FAM83G: variants seen among roughly 807,000 people sequenced by gnomAD.
FAM83G encodes the protein scaffolding CK1 anchoring protein G, also known as protein FAM83G.
Under a neutral mutation model 61.5 loss-of-function variants are expected in FAM83G, and 38 were observed. The ratio of observed to expected loss-of-function variants is 0.62; its 90% CI spans 0.48 to 0.81. The LOEUF (loss-of-function observed/expected upper bound fraction) is 0.81, where lower values mean the gene tolerates loss of function less well. FAM83G is among the 30% of genes least tolerant of loss of function. The pLI, the probability that FAM83G is intolerant of heterozygous loss-of-function variation, is 0.00. For missense variants in FAM83G, 989 were observed against 1,133.6 expected, an observed-to-expected ratio of 0.87 and a Z score of 1.83; for synonymous variants, 470 against 476.1, an observed-to-expected ratio of 0.99 and a Z score of 0.17.
At chr17:18,977,347 T>G in intron 5 of FAM83G, 1 of 588,632 alleles carries the variant, frequency 1.7e-6, no homozygotes, top group African/African-American at 1.9e-5. Flanking sequence ...AACGTGCATT[T>G]TCTTAGGTTG....
At chr17:18,998,719 A>C (rs1446555025) in intron 2 of FAM83G, among the ~76,000 whole-genome samples, 1 of 152,152 alleles carries the variant, frequency 6.6e-6, no homozygotes, top group Non-Finnish European at 1.5e-5. Context: ...AGGAGTTAAC[A>C]CCTGGGATTA....
At chr17:18,999,424 G>A (rs1485589601) in intron 2 of FAM83G, among the ~76,000 whole-genome samples, 1 of 152,222 alleles carries the variant, frequency 6.6e-6, no homozygotes, top group Admixed American at 6.5e-5. Flanking sequence ...CTCAGGGCCT[G>A]CAGACTGGGG....
In FAM83G at chr17:18,968,994, A is replaced by G. The variant is rs2042769264; in HGVS notation, c.*2365T>C. On this transcript the variant is annotated 3_prime_UTR_variant, in exon 6 of 6. Transcript: ENST00000388995. The surrounding 1 kb of genome is among the most constrained non-coding windows in gnomAD (Gnocchi z 4.1). ...GGGCCTTGCCCGAGGTCACCCAGGG[A>G]GTGGCTTGCTGGAGCCCTGGGAATA... 6.5e-7 allele frequency: 1 copy of G among 1,534,958 alleles called. No homozygotes were observed. Among genetic ancestry groups the G allele is most frequent in the East Asian group, 2.3e-5 (1 of 43,410 alleles).
chr17:19,004,220 G>C lies in FAM83G; in HGVS notation c.-128-51C>G, dbSNP rs2043816873. ...GCTCGGCGGGGAGGGCGGGCCGCGC[G>C]GGGAGGGGCGGCGGGGGCGGGGCCG... On this transcript the variant is annotated intron_variant, in intron 1 of 5. Coordinates refer to ENST00000388995, the MANE Select transcript of FAM83G (RefSeq NM_001039999.3). The surrounding 1 kb of genome is among the most constrained non-coding windows in gnomAD (Gnocchi z 5.4). 1.8e-6 allele frequency: 1 copy of C among 565,852 alleles called. No homozygotes were observed. Among genetic ancestry groups the C allele is most frequent in the African/African-American group, 2.0e-5 (1 of 49,652 alleles). The allele number at this position is 565,852 out of a possible 1,614,324, so 35.1% of individuals were successfully genotyped here.
At chr17:18,995,477 C>T (rs2043542386) in intron 2 of FAM83G, among the ~76,000 whole-genome samples, 1 of 152,158 alleles carries the variant, frequency 6.6e-6, no homozygotes, top group Non-Finnish European at 1.5e-5. Flanking sequence ...CATCAGCAAA[C>T]TGTGGGTCAA....
chr17:18,984,741 C>A, intron 3 of FAM83G, among the ~76,000 whole-genome samples: 1 of 152,266 alleles, frequency 6.6e-6, no homozygotes, highest in Non-Finnish European at 1.5e-5. Flanking sequence ...CCTCCACACC[C>A]AGTATCACCC....
Position 18,997,226 on chromosome 17 carries a change from C to A in FAM83G, c.522+6294G>T, listed in dbSNP as rs560661519. ...TCAGCCTAGCCCAGTGGCATGAAGG[C>A]ACTACCCTGAGTCTCCTACCTCCCC... On this transcript the variant is annotated intron_variant, in intron 2 of 5. Transcript: ENST00000388995. Among the ~76,000 whole-genome samples the A allele has an allele frequency of 1.4e-3, 214 of 152,380 alleles. 7 individuals carry two copies. In the South Asian group the frequency reaches 0.042, roughly 30 times the overall value.
rs374484317 is a variant in FAM83G at position 19,003,756 on chromosome 17, C to G, written c.286G>C (p.Gly96Arg). ...GCCCCGCTGGCTTCCTCGCCGTCGC[C>G]GACCCCATTGTCCTCGGGCCCCTGA... ...PSQGPEDNGV[G>R]DGEEASGADG... is the part of the protein sequence containing the mutation. The change falls in exon 2 of 6, where the codon GGC becomes CGC. Residue 96 changes from glycine (G) to arginine (R), a missense_variant. Gly to Arg is a moderately radical substitution (Grantham distance 125, BLOSUM62 -2). Transcript: ENST00000388995. This position sits in a 1 kb window ranked among gnomAD's most constrained non-coding sequence, Gnocchi z 4.5. 6.2e-7 allele frequency: 1 copy of G among 1,606,692 alleles called. No individual in the cohort carries two copies. The highest frequency in any genetic ancestry group is 1.3e-5 in the African/African-American group (1 of 74,550).
Position 18,969,187 on chromosome 17 carries a change from C to T in FAM83G, c.*2172G>A. ...GGTGCCTGCAGCAGGGAGGTCCACC[C>T]AGGGGACGTGTAAAGGGGTCAGAAG... On this transcript the variant is annotated 3_prime_UTR_variant, in exon 6 of 6. Coordinates refer to ENST00000388995, the MANE Select transcript of FAM83G (RefSeq NM_001039999.3). 1 of 1,608,998 alleles carries T rather than the reference C, an allele frequency of 6.2e-7. No homozygotes were observed.
Position 18,978,546 on chromosome 17 carries a change from G to A in FAM83G, c.1120C>T (p.Leu374=). The A allele has an allele frequency of 1.9e-6, 3 of 1,613,302 alleles. No homozygotes were observed. The highest frequency in any genetic ancestry group is 2.5e-6 in the Non-Finnish European group (3 of 1,179,990). ...GCCAGCGCTGGGCCTTTCAGCCCCA[G>A]GGGCTTCTTGGCCTCCTGCTTCTCA... The part of the protein sequence containing the change: ...SSEKQEAKKP[L]GLKGPALAEH... The change falls in exon 5 of 6, where the codon CTG becomes TTG. Residue 374 remains leucine (L), a synonymous_variant. Coordinates refer to ENST00000388995, the MANE Select transcript of FAM83G (RefSeq NM_001039999.3).
chr17:19,005,457 C>T (rs2043858963), upstream of FAM83G, among the ~76,000 whole-genome samples: 1 of 152,154 alleles, frequency 6.6e-6, no homozygotes. Context: ...GGTGGGACAG[C>T]AAAGCCCATT....
chr17:18,978,163 C>CT lies in FAM83G; in HGVS notation c.1502_1503insA (p.Pro502AlafsTer21). The CT allele has an allele frequency of 6.5e-7, 1 of 1,532,308 alleles. No individual in the cohort carries two copies. Among genetic ancestry groups the CT allele is most frequent in the Non-Finnish European group, 8.7e-7 (1 of 1,143,084 alleles). The allele number at this position is 1,532,308 out of a possible 1,614,324, so 94.9% of individuals were successfully genotyped here. A position where few individuals can be genotyped will look rare whatever the true frequency, so the allele number is the denominator to read the frequency against. ...CTGTCCGGGGCTTGGGCACGGGGGG[C>CT]AATGGCTCAGGGTCCCCCTGGGGGA... On this transcript the variant is annotated frameshift_variant, in exon 5 of 6. Coordinates refer to ENST00000388995, the MANE Select transcript of FAM83G (RefSeq NM_001039999.3). LOFTEE classifies it high-confidence loss of function.
At position 18,971,706 on chromosome 17, in the gene FAM83G, T is replaced by C; in HGVS notation, c.2125A>G (p.Arg709Gly). Reference protein sequence around the residue: ...HHHRVPASGTRDKDGFPGPPR... With the variant: ...HHHRVPASGTGDKDGFPGPPR... ...GGTCCTGGGAAGCCGTCTTTATCCC[T>C]AGTCCCTGAGGCAGGGACCCTGTGA... Residue 709 changes from arginine to glycine, a missense_variant, in exon 6 of 6, where the codon AGG becomes GGG. Transcript: ENST00000388995. This position sits in a 1 kb window ranked among gnomAD's most constrained non-coding sequence, Gnocchi z 5.5. 1 of 1,601,098 alleles carries C rather than the reference T, an allele frequency of 6.2e-7. No individual in the cohort carries two copies. Among genetic ancestry groups the C allele is most frequent in the South Asian group, 1.1e-5 (1 of 90,010 alleles).
In FAM83G at chr17:18,969,219, T is replaced by C; in HGVS notation, c.*2140A>G. Reference sequence around the variant, plus strand: ...CGTGTAAAGGGGTCAGAAGGCCACCTCCCCCTACAGGCCCGAGGGAGCAGC... The same window carrying C: ...CGTGTAAAGGGGTCAGAAGGCCACCCCCCCCTACAGGCCCGAGGGAGCAGC... On this transcript the variant is annotated 3_prime_UTR_variant, in exon 6 of 6. Coordinates refer to ENST00000388995, the MANE Select transcript of FAM83G (RefSeq NM_001039999.3). 2 of 1,580,782 alleles carry C rather than the reference T, an allele frequency of 1.3e-6. No individual in the cohort carries two copies. The highest frequency in any genetic ancestry group is 1.7e-6 in the Non-Finnish European group (2 of 1,157,180).
In FAM83G at chr17:18,971,218, GGTGA is replaced by G; in HGVS notation, c.*137_*140del. The G allele has an allele frequency of 6.2e-7, 1 of 1,613,880 alleles. No individual in the cohort carries two copies. The highest frequency in any genetic ancestry group is 1.1e-5 in the South Asian group (1 of 91,090). Reference sequence around the variant, plus strand: ...CCACCTGGTACTGGTGCACCGACCAGGTGAGTGCCAACGTCTCCCGCCCATCCCA... The same window carrying G: ...CCACCTGGTACTGGTGCACCGACCAGGTGCCAACGTCTCCCGCCCATCCCA... On this transcript the variant is annotated 3_prime_UTR_variant, in exon 6 of 6. Coordinates refer to ENST00000388995, the MANE Select transcript of FAM83G (RefSeq NM_001039999.3). This position sits in a 1 kb window ranked among gnomAD's most constrained non-coding sequence, Gnocchi z 5.5.
Position 19,004,116 on chromosome 17 carries a change from C to A in FAM83G, c.-75G>T. On this transcript the variant is annotated 5_prime_UTR_variant, in exon 2 of 6. Coordinates refer to ENST00000388995, the MANE Select transcript of FAM83G (RefSeq NM_001039999.3). This position sits in a 1 kb window ranked among gnomAD's most constrained non-coding sequence, Gnocchi z 5.4. ...GCTCCTAGCTCCGGCCCAGCTGGGG[C>A]ACCGCGCGCTCGGGGGCCTCTCCGC... The A allele has an allele frequency of 3.5e-6, 5 of 1,446,792 alleles. No individual in the cohort carries two copies. The highest frequency in any genetic ancestry group is 2.7e-5 in the South Asian group (2 of 73,128). The allele number at this position is 1,446,792 out of a possible 1,614,324, so 89.6% of individuals were successfully genotyped here. A position where few individuals can be genotyped will look rare whatever the true frequency, so the allele number is the denominator to read the frequency against.
intron 2 of FAM83G, among the ~76,000 whole-genome samples, chr17:18,988,722 T>C (rs1238447832): frequency 2.0e-5 from 3 of 152,234 alleles, no homozygotes; most frequent in Non-Finnish European, 4.4e-5. Flanking sequence ...ACCTGATGTG[T>C]CAATGACCGG....
chr17:18,968,923 A>C lies in FAM83G; in HGVS notation c.*2436T>G, dbSNP rs553179735. 1.3e-6 allele frequency: 1 copy of C among 757,558 alleles called. No homozygotes were observed. The highest frequency in any genetic ancestry group is 2.8e-5 in the East Asian group (1 of 36,360). The allele number at this position is 757,558 out of a possible 1,614,324, so 46.9% of individuals were successfully genotyped here. ...GCCCCGTGATGCAGGCAGGCAGGCG[A>C]GTGGGGGTCTCCCCTCCTTATCCAC... On this transcript the variant is annotated 3_prime_UTR_variant, in exon 6 of 6. Transcript: ENST00000388995. The surrounding 1 kb of genome is among the most constrained non-coding windows in gnomAD (Gnocchi z 4.1).
At position 19,003,455 on chromosome 17, in the gene FAM83G, C is replaced by G; in HGVS notation, c.522+65G>C. ...GCTCCCGTTTTGGGCTCTGAGTGAGCCTGTATTGAGAGGGGTCCGGTGGCT... is the reference window on the plus strand; with the variant it reads ...GCTCCCGTTTTGGGCTCTGAGTGAGGCTGTATTGAGAGGGGTCCGGTGGCT... On this transcript the variant is annotated intron_variant, in intron 2 of 5. Transcript: ENST00000388995. The surrounding 1 kb of genome is among the most constrained non-coding windows in gnomAD (Gnocchi z 4.5). 3 of 1,478,146 alleles carry G rather than the reference C, an allele frequency of 2.0e-6. No individual in the cohort carries two copies. The highest frequency in any genetic ancestry group is 2.7e-6 in the Non-Finnish European group (3 of 1,112,148). 91.6% of individuals were successfully genotyped at this position (1,478,146 alleles called of 1,614,324 possible).
Sources: gnomAD v4.1 joint callset for allele counts (sites outside exome capture counted in the v4.1 genomes callset) on GRCh38, gnomAD v4.1.1 for gene constraint, Gnocchi (gnomAD v3.1) non-coding constraint, MANE v1.5 for transcripts, NCBI Gene and HGNC (gene_info 2026-07-23, HGNC 2026-07-21) for gene names.